Variants in PUDP observed in about 807,000 individuals in gnomAD.
The protein encoded by PUDP is pseudouridine-5'-phosphatase.
PUDP carries 8 observed loss-of-function variants against 9.4 expected under a neutral mutation model. The ratio of observed to expected loss-of-function variants is 0.85; its 90% CI spans 0.50 to 1.53. The LOEUF (loss-of-function observed/expected upper bound fraction) is 1.53. PUDP is among the 40% of genes most tolerant of loss of function. The probability of loss-of-function intolerance (pLI) is 0.00; values close to 1 mark genes in which losing one functional copy is unlikely to be tolerated. For missense variants in PUDP, 188 were observed against 189.7 expected, an observed-to-expected ratio of 0.99 and a Z score of 0.05; for synonymous variants, 99 against 80.7, an observed-to-expected ratio of 1.23 and a Z score of -1.22.
intron 3 of PUDP, among the ~76,000 whole-genome samples, chrX:6,861,901 G>T (rs1261383927): frequency 9.0e-6 from 1 of 111,655 alleles, no homozygotes; most frequent in African/African-American, 3.3e-5. Flanking sequence ...GGCTATCTTA[G>T]GGGTTTTGAC....
At chrX:7,052,306 G>A (rs1289951422) in intron 3 of PUDP, among the ~76,000 whole-genome samples, 3 of 111,223 alleles carry the variant, frequency 2.7e-5, no homozygotes, top group Non-Finnish European at 5.7e-5. Context: ...CAAAGTGCTG[G>A]GATTACAGGT....
rs113285742 is a variant in PUDP at position 6,987,392 on chromosome X, A to G, written c.205-9049T>C. Reference sequence around the variant, plus strand: ...CAGCTTAAGCTCAAGGAAATTAGAGACTCGGGGGTTCATTTTGCAGTAACT... The same window carrying G: ...CAGCTTAAGCTCAAGGAAATTAGAGGCTCGGGGGTTCATTTTGCAGTAACT... On this transcript the variant is annotated intron_variant and NMD_transcript_variant, in intron 1 of 3. Coordinates refer to the PUDP transcript ENST00000655425. 4.2e-3 allele frequency among the ~76,000 whole-genome samples: 466 copies of G among 111,579 alleles called. 3 individuals are homozygous for G. Among genetic ancestry groups the G allele is most frequent in the African/African-American group, 0.015 (448 of 30,781 alleles).
intron 3 of PUDP, among the ~76,000 whole-genome samples, chrX:6,951,294 C>T (rs777596744): frequency 9.0e-5 from 10 of 110,517 alleles, no homozygotes; most frequent in Non-Finnish European, 1.7e-4. Context: ...ATCCATCCAT[C>T]CATCCATCCA....
chrX:6,815,902 C>A (rs938367258), intron 3 of PUDP, among the ~76,000 whole-genome samples: 9 of 108,643 alleles, frequency 8.3e-5, no homozygotes, highest in African/African-American at 2.7e-4. Flanking sequence ...AAATCTAAAC[C>A]TTCCTCGCCA....
At chrX:6,933,336 G>A (rs973004282) in intron 3 of PUDP, among the ~76,000 whole-genome samples, 2 of 111,379 alleles carry the variant, frequency 1.8e-5, no homozygotes, top group African/African-American at 6.5e-5. Context: ...ACGAAAAACC[G>A]CTGTTCTGCA....
intron 3 of PUDP, among the ~76,000 whole-genome samples, chrX:6,954,283 C>A (rs1332081359): frequency 1.8e-5 from 2 of 110,944 alleles, no homozygotes; most frequent in African/African-American, 3.3e-5. Flanking sequence ...ATTCTGGGCT[C>A]CTTTGTTTCC....
intron 3 of PUDP, among the ~76,000 whole-genome samples, chrX:6,952,668 T>G (rs1265720238): frequency 9.0e-6 from 1 of 111,193 alleles, no homozygotes; most frequent in Non-Finnish European, 1.9e-5. Context: ...TGGGAGGTGA[T>G]TAGATCATGA....
intron 3 of PUDP, among the ~76,000 whole-genome samples, chrX:6,769,302 T>C (rs1003419202): frequency 3.6e-5 from 4 of 111,983 alleles, no homozygotes; most frequent in South Asian, 3.7e-4. Flanking sequence ...TCAATTTTTC[T>C]CATTAAGTTG....
chrX:6,713,380 A>T (rs1036202353), intron 1 of PUDP, among the ~76,000 whole-genome samples: 2 of 112,053 alleles, frequency 1.8e-5, no homozygotes, highest in Non-Finnish European at 1.9e-5. Context: ...AGTAGAACTC[A>T]TACTTTGAGT....
intron 1 of PUDP, among the ~76,000 whole-genome samples, chrX:7,136,773 G>A (rs971708120): frequency 2.1e-5 from 2 of 93,259 alleles, no homozygotes; most frequent in East Asian, 3.6e-4. Context: ...TACTGGTCCC[G>A]GTCCCTAGAA....
intron 1 of PUDP, among the ~76,000 whole-genome samples, chrX:7,032,596 G>T (rs1045613614): frequency 2.7e-5 from 3 of 112,204 alleles, no homozygotes; most frequent in African/African-American, 9.7e-5. Flanking sequence ...GAAATAGTAT[G>T]TTGTTAAATA....
Position 7,105,606 on chromosome X carries a change from C to T in PUDP, c.280+14G>A, listed in dbSNP as rs772753974. 5 of 1,168,803 alleles carry T rather than the reference C, an allele frequency of 4.3e-6. No individual in the cohort carries two copies. The highest frequency in any genetic ancestry group is 1.8e-5 in the African/African-American group (1 of 56,586). On this transcript the variant is annotated intron_variant, in intron 2 of 3. Coordinates refer to ENST00000381077, the MANE Select transcript of PUDP (RefSeq NM_012080.5). ...GTCACAAACATAACCCTGCAAACAG[C>T]GAGGCAACCGCACCTGGCATGAGCG... is the stretch of plus-strand genomic sequence containing the variant.
At chrX:6,990,779 A>T (rs1412624542) in intron 1 of PUDP, among the ~76,000 whole-genome samples, 1 of 112,595 alleles carries the variant, frequency 8.9e-6, no homozygotes, top group Non-Finnish European at 1.9e-5. Context: ...GAAGTCAGAA[A>T]ACTGGGAATT....
At chrX:7,003,942 T>C (rs958496622) in intron 1 of PUDP, among the ~76,000 whole-genome samples, 2 of 111,573 alleles carry the variant, frequency 1.8e-5, no homozygotes, top group African/African-American at 6.5e-5. Flanking sequence ...AGTGGCACAA[T>C]CTCAGCTCAT....
chrX:7,138,454 C>T (rs1932769958), intron 1 of PUDP, among the ~76,000 whole-genome samples: 1 of 109,130 alleles, frequency 9.2e-6, no homozygotes, highest in Non-Finnish European at 1.9e-5. Context: ...CTCACTACAA[C>T]CTCCGCCTCC....
chrX:6,979,140 C>T (rs1003879021), intron 1 of PUDP, among the ~76,000 whole-genome samples: 2 of 111,815 alleles, frequency 1.8e-5, no homozygotes, highest in Admixed American at 9.5e-5. Context: ...TGTTATGTCG[C>T]GTAATAGTAT....
intron 3 of PUDP, among the ~76,000 whole-genome samples, chrX:6,780,755 C>T (rs778663513): frequency 2.7e-5 from 3 of 110,154 alleles, no homozygotes; most frequent in Middle Eastern, 4.7e-3. Context: ...ACCCCACCAC[C>T]GCCACCACCA....
chrX:7,120,266 T>G (rs1276517186), intron 1 of PUDP, among the ~76,000 whole-genome samples: 6 of 110,857 alleles, frequency 5.4e-5, no homozygotes, highest in Non-Finnish European at 1.1e-4. Flanking sequence ...GGTGGGGAGG[T>G]GACCCTGGAT....
chrX:7,104,525 T>C (rs186440622), intron 2 of PUDP, among the ~76,000 whole-genome samples: 135 of 111,993 alleles, frequency 1.2e-3, no homozygotes, highest in Middle Eastern at 9.2e-3. Flanking sequence ...CACTTTAAAA[T>C]AGGTAAAATG....
Sources: allele counts gnomAD v4.1 joint callset (sites outside exome capture counted in the v4.1 genomes callset), GRCh38; gene constraint gnomAD v4.1.1; transcripts MANE v1.5; gene names NCBI Gene and HGNC (gene_info 2026-07-23, HGNC 2026-07-21).